Variants in ZNF90 observed in about 807,000 individuals in gnomAD.
The protein encoded by ZNF90 is zinc finger protein HTF9.
Under a neutral mutation model 12.0 loss-of-function variants are expected in ZNF90, and 11 were observed. The observed-to-expected ratio is 0.92, with a 90% CI of 0.58 to 1.52. ZNF90 has a LOEUF of 1.52. Among genes scored for constraint, ZNF90 ranks in the 40% most tolerant of loss-of-function variants. ZNF90 has a pLI of 0.00. For missense variants in ZNF90, 765 were observed against 711.5 expected (o/e 1.08, Z -0.86); for synonymous variants, 232 against 240.1 (o/e 0.97, Z 0.31).
intron 3 of ZNF90, among the ~76,000 whole-genome samples, chr19:20,108,632 A>C (rs1555704681): frequency 1.3e-5 from 2 of 151,004 alleles, no homozygotes; most frequent in African/African-American, 4.9e-5. Flanking sequence ...TACTTTTTTT[A>C]AATGATACAT....
In ZNF90 at chr19:20,120,332, AAG is replaced by A. The variant is rs1207565408; in HGVS notation, c.*975_*976del. On this transcript the variant is annotated 3_prime_UTR_variant, in exon 4 of 4. Transcript: ENST00000418063. ...GAAAATAGAAGCCTTTAAAGTGAAG[AAG>A]AGTATTCTGAAGACAACCATTACAC... Among the ~76,000 whole-genome samples, 13 of 152,342 alleles carry A rather than the reference AAG, an allele frequency of 8.5e-5. No individual in the cohort carries two copies. The highest frequency in any genetic ancestry group is 1.5e-4 in the Non-Finnish European group (10 of 68,038).
At chr19:20,083,889 A>G (rs1389604558) in intron 1 of ZNF90, among the ~76,000 whole-genome samples, 1 of 152,098 alleles carries the variant, frequency 6.6e-6, no homozygotes, top group Admixed American at 6.5e-5. Flanking sequence ...AGCTGGGACT[A>G]CACATTTGCG....
chr19:20,106,044 C>CTTTTTTTTTTTTT (rs56933917), intron 3 of ZNF90, among the ~76,000 whole-genome samples: 22 of 71,038 alleles, frequency 3.1e-4, no homozygotes, highest in East Asian at 9.0e-4. Context: ...CTAATTTTTT[C>CTTTTTTTTTTTTT]TTTTTTTTTT....
At position 20,105,267 on chromosome 19, in the gene ZNF90, A is replaced by C. The variant is rs1555704279; in HGVS notation, c.177A>C (p.Gly59=). The change falls in exon 3 of 4, where the codon GGA becomes GGC. Residue 59 remains glycine (G), a synonymous_variant. Transcript: ENST00000418063. The part of the protein sequence containing the change: ...KPDLITCLEQ[G]KKPFTVKRHE... ...ACCTGATCACCTGTCTGGAGCAAGG[A>C]AAAAAACCCTTCACTGTGAAGAGAC... 6.2e-7 allele frequency: 1 copy of C among 1,606,008 alleles called. No individual in the cohort carries two copies. The highest frequency in any genetic ancestry group is 8.5e-7 in the Non-Finnish European group (1 of 1,175,840).
chr19:20,100,920 G>A (rs1390225556), intron 1 of ZNF90, among the ~76,000 whole-genome samples: 1 of 152,162 alleles, frequency 6.6e-6, no homozygotes, highest in Non-Finnish European at 1.5e-5. Flanking sequence ...GAGGGACAGT[G>A]ATTGGGATAT....
At chr19:20,082,910 C>A (rs907856791) in intron 1 of ZNF90, among the ~76,000 whole-genome samples, 1 of 152,096 alleles carries the variant, frequency 6.6e-6, no homozygotes, top group Non-Finnish European at 1.5e-5. Flanking sequence ...TAGGAGAAAA[C>A]CCCCTTAACG....
At chr19:20,103,535 CAG>C (rs147965716) in intron 1 of ZNF90, among the ~76,000 whole-genome samples, 1 of 152,298 alleles carries the variant, frequency 6.6e-6, no homozygotes, top group African/African-American at 2.4e-5. Flanking sequence ...AGCTCTGTAA[CAG>C]ATTTCTTTCA....
Position 20,100,138 on chromosome 19 carries a change from G to A in ZNF90, c.4-4101G>A, listed in dbSNP as rs1599646793. On this transcript the variant is annotated intron_variant, in intron 1 of 3. Coordinates refer to ENST00000418063, the MANE Select transcript of ZNF90 (RefSeq NM_007138.2). Reference sequence around the variant, plus strand: ...GCCCCAGTACTCAGCAGAAGAGATAGAATGGGGAACCTCAGGAGGACATAG... The same window carrying A: ...GCCCCAGTACTCAGCAGAAGAGATAAAATGGGGAACCTCAGGAGGACATAG... 2.0e-5 allele frequency among the ~76,000 whole-genome samples: 3 copies of A among 152,202 alleles called. No individual in the cohort carries two copies. The East Asian group carries it at 5.8e-4, about 29-fold the overall frequency.
Position 20,121,095 on chromosome 19 carries a change from C to T in ZNF90, c.*1735C>T, listed in dbSNP as rs566399376. On this transcript the variant is annotated 3_prime_UTR_variant, in exon 4 of 4. Transcript: ENST00000418063. ...TTATAGTGAGAGAAATTATGAATTACAGTTAAAGGTATATTAAATTACTGT... is the reference window on the plus strand; with the variant it reads ...TTATAGTGAGAGAAATTATGAATTATAGTTAAAGGTATATTAAATTACTGT... 1.1e-4 allele frequency: 19 copies of T among 176,444 alleles called. No homozygotes were observed. In the South Asian group the frequency reaches 1.3e-3, roughly 12 times the overall value. The allele number at this position is 176,444 out of a possible 1,614,324, so 10.9% of individuals were successfully genotyped here. A position where few individuals can be genotyped will look rare whatever the true frequency, so the allele number is the denominator to read the frequency against.
In ZNF90 at chr19:20,113,253, A is replaced by T. The variant is rs1267993196; in HGVS notation, c.227-4528A>T. On this transcript the variant is annotated intron_variant, in intron 3 of 3. Coordinates refer to ENST00000418063, the MANE Select transcript of ZNF90 (RefSeq NM_007138.2). ...ACCCAGGCTGGAGTACAATGGCAGG[A>T]TCTCAGCTCACTATACAACCTCTGC... is the stretch of plus-strand genomic sequence containing the variant. Among the ~76,000 whole-genome samples, 6 of 151,430 alleles carry T rather than the reference A, an allele frequency of 4.0e-5. No individual in the cohort carries two copies. The East Asian group carries it at 9.8e-4, about 25-fold the overall frequency.
At chr19:20,111,086 G>A (rs1555705065) in intron 3 of ZNF90, among the ~76,000 whole-genome samples, 2 of 152,056 alleles carry the variant, frequency 1.3e-5, no homozygotes, top group South Asian at 2.1e-4. Flanking sequence ...TAAGAAAATG[G>A]TGCCATGACC....
intron 3 of ZNF90, among the ~76,000 whole-genome samples, chr19:20,110,360 C>T (rs186830173): frequency 2.6e-5 from 4 of 152,002 alleles, no homozygotes; most frequent in Admixed American, 6.5e-5. Flanking sequence ...CTCACTGCAA[C>T]CCCTGCCTCC....
In ZNF90 at chr19:20,117,337, G is replaced by C. The variant is rs190792069; in HGVS notation, c.227-444G>C. 3.5e-4 allele frequency among the ~76,000 whole-genome samples: 53 copies of C among 151,954 alleles called. No homozygotes were observed. In the East Asian group the frequency reaches 0.01, roughly 29 times the overall value. ...GGGATTAAAGGCATGAGCCTGGGTG[G>C]AAATTTCTTTTTCTTTGTTTCGTTT... On this transcript the variant is annotated intron_variant, in intron 3 of 3. Coordinates refer to ENST00000418063, the MANE Select transcript of ZNF90 (RefSeq NM_007138.2).
intron 1 of ZNF90, among the ~76,000 whole-genome samples, chr19:20,083,156 G>A (rs1329283198): frequency 1.4e-5 from 2 of 147,326 alleles, no homozygotes; most frequent in Non-Finnish European, 3.1e-5. Flanking sequence ...GACTGGTGCC[G>A]GTGCCGGTCC....
chr19:20,107,755 C>T (rs2089052425), intron 3 of ZNF90, among the ~76,000 whole-genome samples: 1 of 152,048 alleles, frequency 6.6e-6, no homozygotes, highest in Non-Finnish European at 1.5e-5. Flanking sequence ...TCAAATTTGT[C>T]TGCAATTTTA....
At position 20,104,322 on chromosome 19, in the gene ZNF90, T is replaced by C. The variant is rs894021903; in HGVS notation, c.87T>C (p.Tyr29=). The change falls in exon 2 of 4, where the codon TAT becomes TAC. Residue 29 remains tyrosine, a synonymous_variant. Transcript: ENST00000418063. ...HCLDTAQQNL[Y]RDVMLENYRH... ...TGGACACTGCACAGCAGAATTTATA[T>C]AGGGATGTGATGTTAGAGAACTACA... 6.2e-7 allele frequency: 1 copy of C among 1,614,094 alleles called. No individual in the cohort carries two copies. The highest frequency in any genetic ancestry group is 8.5e-7 in the Non-Finnish European group (1 of 1,179,990).
rs1555706386 is a variant in ZNF90 at position 20,119,816 on chromosome 19, A to C, written c.*456A>C. On this transcript the variant is annotated 3_prime_UTR_variant, in exon 4 of 4. Transcript: ENST00000418063. ...TGCCATATTTAACAGGCTGGTCTCC[A>C]ACTGTGATTCACACACCTTGGCCTC... The C allele has an allele frequency of 6.3e-6, 1 of 159,660 alleles. No homozygotes were observed. The highest frequency in any genetic ancestry group is 1.4e-5 in the Non-Finnish European group (1 of 72,670). 9.9% of individuals were successfully genotyped at this position (159,660 alleles called of 1,614,324 possible). A position where few individuals can be genotyped will look rare whatever the true frequency, so the allele number is the denominator to read the frequency against.
chr19:20,091,691 T>G (rs1314358523), intron 1 of ZNF90, among the ~76,000 whole-genome samples: 1 of 152,204 alleles, frequency 6.6e-6, no homozygotes, highest in East Asian at 1.9e-4. Flanking sequence ...TAAAGTGGTC[T>G]TGAGCAGAGT....
At chr19:20,117,167 C>CA (rs1183079368) in intron 3 of ZNF90, among the ~76,000 whole-genome samples, 8 of 151,658 alleles carry the variant, frequency 5.3e-5, no homozygotes, top group Admixed American at 3.3e-4. Flanking sequence ...CTAAGCCTCC[C>CA]AAGTAGCTAG....
Sources: gnomAD v4.1 joint callset for allele counts (sites outside exome capture counted in the v4.1 genomes callset) on GRCh38, gnomAD v4.1.1 for gene constraint, MANE v1.5 for transcripts, NCBI Gene and HGNC (gene_info 2026-07-23, HGNC 2026-07-21) for gene names.